The following RNGTT variants were observed in gnomAD, a reference collection of about 807,000 sequenced individuals.
RNGTT encodes RNA guanylyltransferase and 5'-phosphatase, also known as mRNA-capping enzyme.
A neutral mutation model predicts 79.3 loss-of-function variants in RNGTT; 33 were observed. That is an observed-to-expected ratio of 0.42 (90% confidence interval 0.32 to 0.56). The LOEUF (loss-of-function observed/expected upper bound fraction) is 0.56, where lower values mean the gene tolerates loss of function less well. RNGTT is among the 20% of genes least tolerant of loss of function. The pLI, the probability that RNGTT is intolerant of heterozygous loss-of-function variation, is 0.17. For synonymous variants in RNGTT, 222 were observed against 235.9 expected (o/e 0.94, Z 0.54); for missense variants, 497 against 739.1 (o/e 0.67, Z 3.80).
intron 4 of RNGTT, among the ~76,000 whole-genome samples, chr6:88,924,763 T>C (rs1327735881): frequency 1.3e-5 from 2 of 151,570 alleles, no homozygotes; most frequent in African/African-American, 2.4e-5. Context: ...TCTCACTCTA[T>C]TGCCCAAGCT....
At chr6:88,769,350 G>C (rs889752270) in intron 13 of RNGTT, among the ~76,000 whole-genome samples, 3 of 151,894 alleles carry the variant, frequency 2.0e-5, no homozygotes, top group African/African-American at 7.3e-5. Flanking sequence ...TGGTAGAGGG[G>C]GGTTTCGTCA....
At chr6:88,932,315 T>C (rs1414573110) in intron 2 of RNGTT, among the ~76,000 whole-genome samples, 1 of 152,198 alleles carries the variant, frequency 6.6e-6, no homozygotes, top group Non-Finnish European at 1.5e-5. Context: ...AAGATGTTTA[T>C]CGGTGACAAC....
chr6:88,914,627 A>G (rs1783939646), intron 4 of RNGTT, among the ~76,000 whole-genome samples: 1 of 151,506 alleles, frequency 6.6e-6, no homozygotes, highest in African/African-American at 2.4e-5. Flanking sequence ...CACCATATAC[A>G]AAAAAAAAGC....
At chr6:88,766,788 C>T (rs528915843) in intron 13 of RNGTT, among the ~76,000 whole-genome samples, 1 of 152,070 alleles carries the variant, frequency 6.6e-6, no homozygotes, top group Non-Finnish European at 1.5e-5. Flanking sequence ...TATATTATAC[C>T]TTCAAGATAT....
chr6:88,945,329 C>A (rs62429043), intron 1 of RNGTT, among the ~76,000 whole-genome samples: 1,981 of 152,300 alleles, frequency 0.013, 17 homozygotes, highest in Non-Finnish European at 0.019. Context: ...CTCACATTCC[C>A]ACTGAAAATA....
chr6:88,877,924 C>T (rs1172879251), intron 8 of RNGTT, among the ~76,000 whole-genome samples: 1 of 152,018 alleles, frequency 6.6e-6, no homozygotes, highest in Non-Finnish European at 1.5e-5. Flanking sequence ...GGGCTGGGGT[C>T]TTTAAATGAC....
intron 4 of RNGTT, among the ~76,000 whole-genome samples, chr6:88,908,400 G>C (rs543992431): frequency 6.6e-5 from 10 of 152,226 alleles, no homozygotes; most frequent in African/African-American, 2.4e-4. Context: ...ACCACACTTT[G>C]AACCACCAAA....
chr6:88,878,307 G>C (rs1172854280), intron 8 of RNGTT, among the ~76,000 whole-genome samples: 5 of 151,886 alleles, frequency 3.3e-5, no homozygotes, highest in South Asian at 2.1e-4. Context: ...ATGTTGGTTA[G>C]GCTGGTCTCG....
At chr6:88,829,659 T>C (rs747693795) in intron 11 of RNGTT, among the ~76,000 whole-genome samples, 15 of 120,248 alleles carry the variant, frequency 1.2e-4, no homozygotes, top group East Asian at 4.8e-4. Context: ...AAGACACACA[T>C]AGGCTCAAAA....
intron 13 of RNGTT, among the ~76,000 whole-genome samples, chr6:88,741,494 T>A (rs1440515601): frequency 1.3e-5 from 2 of 152,148 alleles, no homozygotes; most frequent in Non-Finnish European, 1.5e-5. Context: ...GCTCAGTACC[T>A]GGGTGACAAG....
intron 12 of RNGTT, among the ~76,000 whole-genome samples, chr6:88,782,526 C>G (rs1245232607): frequency 6.6e-6 from 1 of 151,994 alleles, no homozygotes; most frequent in Admixed American, 6.6e-5. Context: ...AAAGCACAGG[C>G]AACAGAAGCA....
At chr6:88,776,815 T>C (rs767949197) in intron 12 of RNGTT, among the ~76,000 whole-genome samples, 8 of 152,184 alleles carry the variant, frequency 5.3e-5, no homozygotes, top group Non-Finnish European at 1.0e-4. Context: ...CCTTTTCATT[T>C]TGTTGATTGT....
intron 11 of RNGTT, among the ~76,000 whole-genome samples, chr6:88,838,007 T>C (rs1781138747): frequency 6.6e-6 from 1 of 152,112 alleles, no homozygotes; most frequent in South Asian, 2.1e-4. Context: ...ACACTTAATA[T>C]GAATACCTAA....
Position 88,810,430 on chromosome 6 carries a change from G to T in RNGTT, c.1270-8798C>A, listed in dbSNP as rs1226396111. ...AAGTCGCTGAGATGAAAATTTCAAA[G>T]AAATTGAGAGGCCAAGGTTGTAAGT... On this transcript the variant is annotated intron_variant, in intron 11 of 15. Coordinates refer to ENST00000369485, the MANE Select transcript of RNGTT (RefSeq NM_003800.5). Among the ~76,000 whole-genome samples, 3 of 152,236 alleles carry T rather than the reference G, an allele frequency of 2.0e-5. No individual in the cohort carries two copies. The East Asian group carries it at 5.8e-4, about 29-fold the overall frequency.
At chr6:88,743,638 A>AT (rs1777566787) in intron 13 of RNGTT, among the ~76,000 whole-genome samples, 1 of 152,316 alleles carries the variant, frequency 6.6e-6, no homozygotes, top group South Asian at 2.1e-4. Flanking sequence ...ACAATGTAGC[A>AT]TATGTCAGAA....
chr6:88,785,550 G>A (rs1305947412), intron 12 of RNGTT, among the ~76,000 whole-genome samples: 3 of 151,844 alleles, frequency 2.0e-5, no homozygotes, highest in South Asian at 4.1e-4. Flanking sequence ...ACAATTCCTT[G>A]GAAAATTATA....
At chr6:88,935,155 C>A (rs1437336397) in intron 2 of RNGTT, among the ~76,000 whole-genome samples, 1 of 152,058 alleles carries the variant, frequency 6.6e-6, no homozygotes, top group African/African-American at 2.4e-5. Flanking sequence ...TATGGATATC[C>A]AATTTTCCCA....
chr6:88,867,541 A>C (rs945146905), intron 8 of RNGTT, among the ~76,000 whole-genome samples: 1 of 152,050 alleles, frequency 6.6e-6, no homozygotes, highest in Non-Finnish European at 1.5e-5. Context: ...GATGTCCAAA[A>C]AAAGCAAAAG....
intron 13 of RNGTT, among the ~76,000 whole-genome samples, chr6:88,744,260 T>C (rs1162626272): frequency 2.0e-5 from 3 of 152,038 alleles, no homozygotes; most frequent in Non-Finnish European, 4.4e-5. Flanking sequence ...TTTTCTTTTA[T>C]TTATTTATTT....
Sources: allele counts gnomAD v4.1 joint callset (sites outside exome capture counted in the v4.1 genomes callset), GRCh38; gene constraint gnomAD v4.1.1; transcripts MANE v1.5; gene names NCBI Gene and HGNC (gene_info 2026-07-23, HGNC 2026-07-21).